Variants in SLC44A5 observed in about 807,000 individuals in gnomAD.
SLC44A5 encodes the protein choline transporter-like protein 5.
A neutral mutation model predicts 101.8 loss-of-function variants in SLC44A5; 57 were observed. The ratio of observed to expected loss-of-function variants is 0.56; its 90% CI spans 0.45 to 0.70. The LOEUF (loss-of-function observed/expected upper bound fraction) is 0.70. Among genes scored for constraint, SLC44A5 ranks in the 30% least tolerant of loss-of-function variants. SLC44A5 has a pLI of 0.00. For synonymous variants in SLC44A5, 281 were observed against 290.9 expected (o/e 0.97, Z 0.35); for missense variants, 737 against 853.1 (o/e 0.86, Z 1.70).
At chr1:75,580,457 A>G (rs1673620805) in intron 1 of SLC44A5, among the ~76,000 whole-genome samples, 1 of 152,186 alleles carries the variant, frequency 6.6e-6, no homozygotes, top group Non-Finnish European at 1.5e-5. Flanking sequence ...AAGATAAACT[A>G]AGTACCACAT....
At chr1:75,261,704 G>A (rs1291424131) in intron 6 of SLC44A5, among the ~76,000 whole-genome samples, 1 of 152,052 alleles carries the variant, frequency 6.6e-6, no homozygotes. Context: ...AAACCTGGCA[G>A]AGACACAACA....
At chr1:75,689,751 T>C in the SLC44A5 span, among the ~76,000 whole-genome samples, 1 of 152,212 alleles carries the variant, frequency 6.6e-6, no homozygotes, top group African/African-American at 2.4e-5. Flanking sequence ...TGAGACTCTG[T>C]CAAAGGATAC....
chr1:75,288,208 T>A (rs1448693902), intron 5 of SLC44A5, among the ~76,000 whole-genome samples: 2 of 152,248 alleles, frequency 1.3e-5, no homozygotes, highest in African/African-American at 2.4e-5. Context: ...TAATTTATTA[T>A]GTGTTAAGCT....
At chr1:75,242,204 G>C (rs1648696205) in intron 8 of SLC44A5, 143 bp from the exon 9 acceptor site, 1 of 593,494 alleles carries the variant, frequency 1.7e-6, no homozygotes, top group Admixed American at 3.0e-5. Flanking sequence ...TTAATTGTAA[G>C]ATTATCACAC....
At chr1:75,341,435 T>TTGTGGCAC (rs2101037289) in intron 3 of SLC44A5, among the ~76,000 whole-genome samples, 1 of 151,600 alleles carries the variant, frequency 6.6e-6, no homozygotes, top group African/African-American at 2.4e-5. Flanking sequence ...TGAGCTGAGA[T>TTGTGGCAC]TGTGGCACTG....
intron 1 of SLC44A5, among the ~76,000 whole-genome samples, chr1:75,601,446 T>C (rs545924362): frequency 6.6e-6 from 1 of 150,556 alleles, no homozygotes; most frequent in East Asian, 1.9e-4. Context: ...GACGGGTTGA[T>C]GGGTGCAGTA....
At chr1:75,402,711 C>T (rs1662573301) in intron 2 of SLC44A5, among the ~76,000 whole-genome samples, 1 of 152,058 alleles carries the variant, frequency 6.6e-6, no homozygotes, top group Admixed American at 6.5e-5. Context: ...GAGGTTCCCT[C>T]AGGTGCCTAC....
chr1:75,689,848 C>A, the SLC44A5 span, among the ~76,000 whole-genome samples: 19 of 152,140 alleles, frequency 1.2e-4, no homozygotes, highest in Admixed American at 4.6e-4. Context: ...GCTTGTTTAG[C>A]CTCCTTGTAA....
At position 75,388,052 on chromosome 1, in the gene SLC44A5, T is replaced by G. The variant is rs368073769; in HGVS notation, c.52+8531A>C. Among the ~76,000 whole-genome samples, 41 of 120,262 alleles carry G rather than the reference T, an allele frequency of 3.4e-4. No individual in the cohort carries two copies. In the East Asian group the frequency reaches 7.2e-3, roughly 21 times the overall value. 78.9% of individuals were successfully genotyped at this position (120,262 alleles called of 152,430 possible). On this transcript the variant is annotated intron_variant, in intron 3 of 23. Transcript: ENST00000370859. ...CAGGAAGGGGAATATCACACTCTGG[T>G]GACTGTTGTGGGGTGGGGGGAGGGG...
chr1:75,680,506 T>A, the SLC44A5 span, among the ~76,000 whole-genome samples: 1 of 150,846 alleles, frequency 6.6e-6, no homozygotes, highest in Non-Finnish European at 1.5e-5. Flanking sequence ...TGCTCCTGAA[T>A]GACTACTGGG....
intron 3 of SLC44A5, among the ~76,000 whole-genome samples, chr1:75,349,879 A>G (rs1658514857): frequency 6.6e-6 from 1 of 152,234 alleles, no homozygotes; most frequent in Non-Finnish European, 1.5e-5. Context: ...TTAAAAGAGT[A>G]GAATCAGCAT....
chr1:75,250,109 C>T (rs1649436905), intron 7 of SLC44A5, among the ~76,000 whole-genome samples: 1 of 152,080 alleles, frequency 6.6e-6, no homozygotes, highest in African/African-American at 2.4e-5. Context: ...AGGTATTAAG[C>T]TTAGTATCCA....
the SLC44A5 span, among the ~76,000 whole-genome samples, chr1:75,701,936 A>T: frequency 6.6e-6 from 1 of 152,190 alleles, no homozygotes; most frequent in African/African-American, 2.4e-5. Context: ...AATACCTAGG[A>T]ATCCAACCTA....
intron 6 of SLC44A5, among the ~76,000 whole-genome samples, chr1:75,257,724 C>T (rs1458090526): frequency 6.6e-6 from 1 of 152,084 alleles, no homozygotes; most frequent in South Asian, 2.1e-4. Flanking sequence ...CACACCCCTC[C>T]CTGAGGTCTA....
intron 2 of SLC44A5, among the ~76,000 whole-genome samples, chr1:75,515,259 C>G (rs1282898718): frequency 6.6e-6 from 1 of 152,086 alleles, no homozygotes; most frequent in East Asian, 1.9e-4. Flanking sequence ...TTCATCACGT[C>G]AAATACTTAA....
intron 2 of SLC44A5, among the ~76,000 whole-genome samples, chr1:75,442,867 T>C (rs1226828980): frequency 6.6e-6 from 1 of 152,300 alleles, no homozygotes; most frequent in Non-Finnish European, 1.5e-5. Flanking sequence ...ATACTGTTCA[T>C]TTAGAAGTCA....
chr1:75,573,958 T>C (rs1557922699), intron 1 of SLC44A5, among the ~76,000 whole-genome samples: 1 of 152,234 alleles, frequency 6.6e-6, no homozygotes, highest in Non-Finnish European at 1.5e-5. Context: ...CATGCACTGA[T>C]GCACTCAATG....
At chr1:75,292,043 G>A (rs2100827256) in intron 5 of SLC44A5, among the ~76,000 whole-genome samples, 1 of 151,690 alleles carries the variant, frequency 6.6e-6, no homozygotes, top group Admixed American at 6.6e-5. Context: ...AAGAAAGCAG[G>A]GTAAAGCGTA....
At chr1:75,691,108 T>G in the SLC44A5 span, among the ~76,000 whole-genome samples, 209 of 152,304 alleles carry the variant, frequency 1.4e-3, no homozygotes, top group African/African-American at 4.6e-3. Context: ...TCAGTAAATC[T>G]GCATTCTTTC....
Sources: allele counts gnomAD v4.1 joint callset (sites outside exome capture counted in the v4.1 genomes callset), GRCh38; gene constraint gnomAD v4.1.1; transcripts MANE v1.5; gene names NCBI Gene and HGNC (gene_info 2026-07-23, HGNC 2026-07-21).